The following EPB41L4A variants were observed in gnomAD, a reference collection of about 807,000 sequenced individuals.
The protein encoded by EPB41L4A is erythrocyte membrane protein band 4.1 like 4A, also known as band 4.1-like protein 4A.
A neutral mutation model predicts 108.6 loss-of-function variants in EPB41L4A; 100 were observed. The ratio of observed to expected loss-of-function variants is 0.92; its 90% CI spans 0.78 to 1.09. The LOEUF is 1.09. Ranked by LOEUF, EPB41L4A falls within the 50% of genes least tolerant of loss-of-function variation. The probability of loss-of-function intolerance (pLI) is 0.00; values close to 1 mark genes in which losing one functional copy is unlikely to be tolerated. For synonymous variants in EPB41L4A, 319 were observed against 289.0 expected, an observed-to-expected ratio of 1.10 and a Z score of -1.05; for missense variants, 1,030 against 842.7, an observed-to-expected ratio of 1.22 and a Z score of -2.75.
intron 18 of EPB41L4A, among the ~76,000 whole-genome samples, chr5:112,181,900 C>G (rs572274143): frequency 6.6e-6 from 1 of 152,086 alleles, no homozygotes; most frequent in South Asian, 2.1e-4. Flanking sequence ...TGGTGAAACC[C>G]CATCTCTACT....
At chr5:112,390,399 G>A (rs886324663) in intron 1 of EPB41L4A, among the ~76,000 whole-genome samples, 8 of 152,140 alleles carry the variant, frequency 5.3e-5, no homozygotes, top group African/African-American at 7.2e-5. Flanking sequence ...ATTACATCCC[G>A]CACCTGGCTC....
chr5:112,178,136 A>C (rs979912158), intron 18 of EPB41L4A, among the ~76,000 whole-genome samples: 8 of 152,160 alleles, frequency 5.3e-5, no homozygotes, highest in Non-Finnish European at 5.9e-5. Context: ...ACAGATTAAA[A>C]GGATATACCA....
At chr5:112,157,104 C>A (rs1759676263) in intron 12 of EPB41L4A, among the ~76,000 whole-genome samples, 1 of 150,064 alleles carries the variant, frequency 6.7e-6, no homozygotes, top group Non-Finnish European at 1.5e-5. Context: ...ACAAATAGAC[C>A]AGTAGGACAG....
intron 12 of EPB41L4A, among the ~76,000 whole-genome samples, chr5:112,221,100 T>C (rs889477813): frequency 1.3e-5 from 2 of 152,204 alleles, no homozygotes; most frequent in Non-Finnish European, 1.5e-5. Context: ...GCCATGAACC[T>C]AGTGATAAGT....
intron 4 of EPB41L4A, among the ~76,000 whole-genome samples, chr5:112,270,381 G>C (rs1752175200): frequency 6.6e-6 from 1 of 152,094 alleles, no homozygotes; most frequent in Non-Finnish European, 1.5e-5. Context: ...CCCACAAAGA[G>C]CAGGAACACA....
chr5:112,151,652 C>T (rs1009454962), intron 12 of EPB41L4A, among the ~76,000 whole-genome samples: 1 of 151,912 alleles, frequency 6.6e-6, no homozygotes, highest in African/African-American at 2.4e-5. Context: ...AGGCGATCCA[C>T]CTGCCTTGGC....
intron 1 of EPB41L4A, among the ~76,000 whole-genome samples, chr5:112,318,017 G>A (rs996434744): frequency 3.3e-5 from 5 of 152,040 alleles, no homozygotes; most frequent in African/African-American, 7.2e-5. Context: ...TGCAAAATAG[G>A]CAATTCTGAT....
chr5:112,347,308 T>C (rs1407274224), intron 1 of EPB41L4A, among the ~76,000 whole-genome samples: 1 of 152,234 alleles, frequency 6.6e-6, no homozygotes, highest in East Asian at 1.9e-4. Flanking sequence ...TTTGCACTGA[T>C]GGTGGAAAGC....
At chr5:112,349,068 C>T (rs1757869747) in intron 1 of EPB41L4A, among the ~76,000 whole-genome samples, 1 of 152,186 alleles carries the variant, frequency 6.6e-6, no homozygotes, top group Non-Finnish European at 1.5e-5. Flanking sequence ...GTAGCCACAA[C>T]TTCAAATGAC....
intron 1 of EPB41L4A, among the ~76,000 whole-genome samples, chr5:112,403,712 C>T (rs983666488): frequency 6.6e-6 from 1 of 152,192 alleles, no homozygotes; most frequent in Non-Finnish European, 1.5e-5. Flanking sequence ...AAATGATCCT[C>T]CCACCTCGGC....
chr5:112,358,499 A>C (rs1459925429), intron 1 of EPB41L4A, among the ~76,000 whole-genome samples: 1 of 152,186 alleles, frequency 6.6e-6, no homozygotes, highest in African/African-American at 2.4e-5. Context: ...ATCCCCTTGC[A>C]ATCACAGAAA....
intron 2 of EPB41L4A, among the ~76,000 whole-genome samples, chr5:112,300,842 T>G (rs751367905): frequency 1.8e-4 from 27 of 152,304 alleles, no homozygotes; most frequent in Non-Finnish European, 3.2e-4. Flanking sequence ...TTCATTTTTT[T>G]AATGCTTTTT....
At chr5:112,384,459 A>AT (rs368539905) in intron 1 of EPB41L4A, among the ~76,000 whole-genome samples, 19 of 148,690 alleles carry the variant, frequency 1.3e-4, no homozygotes, top group Admixed American at 2.0e-4. Context: ...TAACTTCACT[A>AT]TTTTTTTTTT....
At chr5:112,381,627 T>C (rs933427508) in intron 1 of EPB41L4A, among the ~76,000 whole-genome samples, 3 of 152,256 alleles carry the variant, frequency 2.0e-5, no homozygotes, top group African/African-American at 7.2e-5. Context: ...GCTCACAAAG[T>C]GAGCCAAATC....
At chr5:112,330,056 C>A (rs1033439130) in intron 1 of EPB41L4A, among the ~76,000 whole-genome samples, 1 of 151,838 alleles carries the variant, frequency 6.6e-6, no homozygotes, top group Non-Finnish European at 1.5e-5. Flanking sequence ...AATCTGGAGG[C>A]TTTAAAAGTA....
intron 15 of EPB41L4A, among the ~76,000 whole-genome samples, chr5:112,202,657 C>T (rs539396399): frequency 2.6e-5 from 4 of 152,228 alleles, no homozygotes; most frequent in African/African-American, 9.6e-5. Flanking sequence ...AGTCCTACTA[C>T]ATGAAGGTAA....
intron 17 of EPB41L4A, among the ~76,000 whole-genome samples, chr5:112,186,176 A>C (rs902593545): frequency 6.6e-6 from 1 of 152,144 alleles, no homozygotes; most frequent in African/African-American, 2.4e-5. Flanking sequence ...GCAGAACGAA[A>C]TTTTACAATG....
intron 1 of EPB41L4A, among the ~76,000 whole-genome samples, chr5:112,352,283 T>G (rs983563694): frequency 6.6e-6 from 1 of 152,226 alleles, no homozygotes; most frequent in Admixed American, 6.5e-5. Context: ...CTCTTAGCAC[T>G]GCTTTTGCTG....
chr5:112,333,946 A>G (rs967134285), intron 1 of EPB41L4A, among the ~76,000 whole-genome samples: 6 of 152,174 alleles, frequency 3.9e-5, no homozygotes, highest in Admixed American at 1.3e-4. Flanking sequence ...ATAAAATTCT[A>G]AGTTTCCCAA....
Sources: gnomAD v4.1 joint callset for allele counts (sites outside exome capture counted in the v4.1 genomes callset) on GRCh38, gnomAD v4.1.1 for gene constraint, MANE v1.5 for transcripts, NCBI Gene and HGNC (gene_info 2026-07-23, HGNC 2026-07-21) for gene names.